ELMO1: variants seen among roughly 807,000 people sequenced by gnomAD.
ELMO1 encodes engulfment and cell motility 1.
In ELMO1, 26 loss-of-function variants were observed where a neutral mutation model predicts 98.9. The observed-to-expected ratio is 0.26, with a 90% CI of 0.19 to 0.36. ELMO1 has a LOEUF of 0.36. Ranked by LOEUF, ELMO1 falls within the 10% of genes least tolerant of loss-of-function variation. ELMO1 has a pLI of 1.00. For synonymous variants in ELMO1, 346 were observed against 346.0 expected (o/e 1.00, Z 0.00); for missense variants, 627 against 935.2 (o/e 0.67, Z 4.30).
At chr7:37,111,426 G>A (rs1239400068) in intron 14 of ELMO1, among the ~76,000 whole-genome samples, 1 of 152,248 alleles carries the variant, frequency 6.6e-6, no homozygotes, top group Admixed American at 6.5e-5. Context: ...ACAGGCCATA[G>A]ACTGTTGGGA....
At chr7:37,152,107 A>T (rs1788405508) in intron 13 of ELMO1, among the ~76,000 whole-genome samples, 1 of 152,236 alleles carries the variant, frequency 6.6e-6, no homozygotes, top group South Asian at 2.1e-4. Context: ...CAAACAGATT[A>T]GATGGAGTCA....
intron 6 of ELMO1, among the ~76,000 whole-genome samples, chr7:37,248,322 C>T (rs547208254): frequency 2.3e-4 from 35 of 152,026 alleles, no homozygotes; most frequent in African/African-American, 7.2e-4. Flanking sequence ...GCCCAAGGAA[C>T]GGCATTTTTT....
At chr7:36,901,272 G>T (rs1806486196) in intron 16 of ELMO1, among the ~76,000 whole-genome samples, 1 of 152,184 alleles carries the variant, frequency 6.6e-6, no homozygotes, top group African/African-American at 2.4e-5. Flanking sequence ...ATATTAAAAT[G>T]AAGGAGAGAG....
chr7:37,003,392 A>G (rs988228595), intron 16 of ELMO1, among the ~76,000 whole-genome samples: 1 of 152,164 alleles, frequency 6.6e-6, no homozygotes, highest in Non-Finnish European at 1.5e-5. Flanking sequence ...AAGAGAAAAG[A>G]AGGAGGGAAC....
intron 1 of ELMO1, among the ~76,000 whole-genome samples, chr7:37,407,210 T>C (rs1284653617): frequency 6.6e-6 from 1 of 152,096 alleles, no homozygotes; most frequent in Non-Finnish European, 1.5e-5. Flanking sequence ...TATCATGCCA[T>C]GAAAGAACAT....
chr7:37,286,037 G>A (rs542644507), intron 4 of ELMO1, among the ~76,000 whole-genome samples: 113 of 117,708 alleles, frequency 9.6e-4, no homozygotes, highest in African/African-American at 3.7e-3. Flanking sequence ...ACTCATGCTT[G>A]TAAAAAGAAA....
At chr7:36,941,301 T>C (rs922202757) in intron 16 of ELMO1, among the ~76,000 whole-genome samples, 8 of 152,238 alleles carry the variant, frequency 5.3e-5, no homozygotes, top group Admixed American at 5.2e-4. Context: ...ACAATGTGCC[T>C]TTCTGCTAGC....
chr7:37,360,557 A>G (rs1461705245), intron 1 of ELMO1, among the ~76,000 whole-genome samples: 4 of 152,226 alleles, frequency 2.6e-5, no homozygotes, highest in East Asian at 1.9e-4. Context: ...TTTTTAGAGA[A>G]AAATCCAGAA....
At chr7:37,341,685 C>T (rs184559090) in intron 2 of ELMO1, among the ~76,000 whole-genome samples, 1 of 152,016 alleles carries the variant, frequency 6.6e-6, no homozygotes, top group Non-Finnish European at 1.5e-5. Flanking sequence ...GATCTGCCAC[C>T]AGATAATAAA....
chr7:36,872,182 C>G (rs1233842592), intron 19 of ELMO1, among the ~76,000 whole-genome samples: 1 of 152,172 alleles, frequency 6.6e-6, no homozygotes, highest in Non-Finnish European at 1.5e-5. Context: ...CTGTCTTCCC[C>G]TGCTGCAGAA....
intron 13 of ELMO1, among the ~76,000 whole-genome samples, chr7:37,196,257 A>C (rs1344197813): frequency 6.6e-6 from 1 of 152,174 alleles, no homozygotes; most frequent in Non-Finnish European, 1.5e-5. Flanking sequence ...CACAGCCTCG[A>C]GGCTGAGGTG....
At chr7:37,202,637 T>C (rs1168229229) in intron 13 of ELMO1, among the ~76,000 whole-genome samples, 1 of 152,250 alleles carries the variant, frequency 6.6e-6, no homozygotes, top group Non-Finnish European at 1.5e-5. Context: ...TAAGTTATAA[T>C]ACTTCCCCTG....
chr7:36,900,976 T>C (rs1338465776), intron 16 of ELMO1, among the ~76,000 whole-genome samples: 1 of 152,180 alleles, frequency 6.6e-6, no homozygotes, highest in Non-Finnish European at 1.5e-5. Flanking sequence ...GTGGGAAGGA[T>C]AATTTCCCAG....
intron 15 of ELMO1, chr7:37,033,305 T>C: frequency 4.5e-6 from 2 of 447,416 alleles, no homozygotes; most frequent in East Asian, 7.0e-5. Flanking sequence ...GCTCTGCCTA[T>C]GCTTTAATAA....
chr7:37,110,040 C>T (rs896954458), intron 14 of ELMO1, among the ~76,000 whole-genome samples: 5 of 152,206 alleles, frequency 3.3e-5, no homozygotes, highest in Admixed American at 2.6e-4. Flanking sequence ...GAACCAGGTC[C>T]TCCCCTGCCA....
rs987959709 is a variant in ELMO1 at position 37,267,088 on chromosome 7, C to T, written c.243+4744G>A. Among the ~76,000 whole-genome samples the T allele has an allele frequency of 2.0e-3, 267 of 132,784 alleles. 2 individuals carry two copies. The highest frequency in any genetic ancestry group is 5.7e-3 in the African/African-American group (199 of 34,760). The allele number at this position is 132,784 out of a possible 152,430, so 87.1% of individuals were successfully genotyped here. ...ACACACACACACACACACACACACACGAGTACTACTGGAAGTTACCAAATA... is the reference window on the plus strand; with the variant it reads ...ACACACACACACACACACACACACATGAGTACTACTGGAAGTTACCAAATA... On this transcript the variant is annotated intron_variant, in intron 5 of 21. Transcript: ENST00000310758.
At chr7:36,960,832 A>G (rs1157583044) in intron 16 of ELMO1, among the ~76,000 whole-genome samples, 1 of 152,184 alleles carries the variant, frequency 6.6e-6, no homozygotes. Context: ...CACCTAGTCA[A>G]ACCAAACCAA....
chr7:37,392,141 A>G (rs975659243), intron 1 of ELMO1, among the ~76,000 whole-genome samples: 3 of 152,142 alleles, frequency 2.0e-5, no homozygotes, highest in Non-Finnish European at 4.4e-5. Context: ...CAGGATGGTA[A>G]ACTTTTTTTT....
chr7:36,956,946 G>A (rs1788504516), intron 16 of ELMO1, among the ~76,000 whole-genome samples: 1 of 152,166 alleles, frequency 6.6e-6, no homozygotes. Flanking sequence ...GCTCAGTGGC[G>A]AGCAAAGAAA....
Sources: allele counts gnomAD v4.1 joint callset (sites outside exome capture counted in the v4.1 genomes callset), GRCh38; gene constraint gnomAD v4.1.1; transcripts MANE v1.5; gene names NCBI Gene and HGNC (gene_info 2026-07-23, HGNC 2026-07-21).